The following HEPH variants were observed in gnomAD, a reference collection of about 807,000 sequenced individuals.
HEPH encodes hephaestin.
Under a neutral mutation model 80.8 loss-of-function variants are expected in HEPH, and 69 were observed. The observed-to-expected ratio is 0.85, with a 90% CI of 0.70 to 1.04. HEPH has a LOEUF of 1.04. Among genes scored for constraint, HEPH ranks in the 50% least tolerant of loss-of-function variants. The pLI, the probability that HEPH is intolerant of heterozygous loss-of-function variation, is 0.00. For missense variants in HEPH, 1,115 were observed against 891.3 expected (o/e 1.25, Z -3.20); for synonymous variants, 431 against 322.8 (o/e 1.34, Z -3.60).
chrX:66,189,771 A>G lies in HEPH; in HGVS notation c.896A>G (p.Asn299Ser). 1 of 1,211,264 alleles carries G rather than the reference A, an allele frequency of 8.3e-7. No homozygotes were observed. The highest frequency in any genetic ancestry group is 1.1e-6 in the Non-Finnish European group (1 of 895,366). ...RVAWHLFGMGNEIDVHTAFFH... is the reference protein window; with the variant it reads ...RVAWHLFGMGSEIDVHTAFFH... Reference sequence around the variant, plus strand: ...GCCTGGCACTTGTTTGGCATGGGCAATGAAATTGATGTCCACACAGCATTT... The same window carrying G: ...GCCTGGCACTTGTTTGGCATGGGCAGTGAAATTGATGTCCACACAGCATTT... The change falls in exon 6 of 21, where the codon AAT becomes AGT. Residue 299 changes from asparagine (N) to serine (S), a missense_variant. Physicochemically the swap from Asn to Ser is conservative, Grantham distance 46 (BLOSUM62 1). This residue lies in a region of HEPH where 391 missense variants were observed against 343.6 expected (regional missense o/e 1.14). Coordinates refer to ENST00000343002, the MANE Select transcript of HEPH (RefSeq NM_001367233.3).
intron 4 of HEPH, among the ~76,000 whole-genome samples, chrX:66,186,394 A>G (rs1287051736): frequency 9.0e-6 from 1 of 111,246 alleles, no homozygotes; most frequent in Non-Finnish European, 1.9e-5. Flanking sequence ...GTTGTGGGAT[A>G]TAGTCTCGTG....
In HEPH at chrX:66,189,655, T is replaced by G. The variant is rs776806360; in HGVS notation, c.809-29T>G. The G allele has an allele frequency of 1.0e-5, 12 of 1,196,735 alleles. No homozygotes were observed. The African/African-American group carries it at 2.1e-4, about 21-fold the overall frequency. ...CCATTTGGCTGTCCTTTCCTAATCC[T>G]GATATTTTCTTTGGGTTTTCTTTTG... On this transcript the variant is annotated intron_variant, in intron 5 of 20. Transcript: ENST00000343002.
intron 15 of HEPH, among the ~76,000 whole-genome samples, chrX:66,251,781 G>A (rs1445154749): frequency 1.8e-5 from 2 of 111,727 alleles, no homozygotes; most frequent in Non-Finnish European, 3.8e-5. Flanking sequence ...AGAAGACAGT[G>A]TGGCTGTAGC....
Position 66,216,958 on chromosome X carries a change from T to G in HEPH, c.2563+8712T>G, listed in dbSNP as rs958378067. Among the ~76,000 whole-genome samples, 3 of 111,525 alleles carry G rather than the reference T, an allele frequency of 2.7e-5. No individual in the cohort carries two copies. The East Asian group carries it at 8.5e-4, about 31-fold the overall frequency. The stretch of plus-strand genomic sequence containing the variant: ...TAGCTTCAGAATTCAAAGACAAGGC[T>G]TTTAAATTAACTCAATCCAACAAAG... On this transcript the variant is annotated intron_variant, in intron 15 of 20. Coordinates refer to ENST00000343002, the MANE Select transcript of HEPH (RefSeq NM_001367233.3).
At chrX:66,248,045 A>G (rs990565683) in intron 15 of HEPH, among the ~76,000 whole-genome samples, 4 of 110,567 alleles carry the variant, frequency 3.6e-5, no homozygotes, top group East Asian at 2.8e-4. Context: ...ATTAATTCCT[A>G]TCATTCATAC....
intron 15 of HEPH, among the ~76,000 whole-genome samples, chrX:66,238,943 G>T (rs778323447): frequency 8.9e-6 from 1 of 112,654 alleles, no homozygotes; most frequent in African/African-American, 3.2e-5. Flanking sequence ...TGTTCTTTAG[G>T]CACAGATCGC....
At chrX:66,231,527 T>G (rs1161870688) in intron 15 of HEPH, among the ~76,000 whole-genome samples, 35 of 109,820 alleles carry the variant, frequency 3.2e-4, no homozygotes, top group Non-Finnish European at 5.7e-4. Flanking sequence ...GTATTTTATT[T>G]TCTTTGAAGC....
chrX:66,199,344 A>G (rs1278175970), intron 11 of HEPH, among the ~76,000 whole-genome samples: 1 of 101,388 alleles, frequency 9.9e-6, no homozygotes, highest in Non-Finnish European at 2.0e-5. Context: ...TCTTCCTTAT[A>G]TTTTAGTACC....
At chrX:66,207,667 T>C (rs1282890155) in intron 14 of HEPH, among the ~76,000 whole-genome samples, 1 of 111,689 alleles carries the variant, frequency 9.0e-6, no homozygotes, top group African/African-American at 3.3e-5. Flanking sequence ...ATCAGTTTTT[T>C]CATTGTACCG....
chrX:66,267,061 T>C lies in HEPH; in HGVS notation c.*389T>C, dbSNP rs911170437. 2.2e-5 allele frequency: 3 copies of C among 139,000 alleles called. No individual in the cohort carries two copies. Among genetic ancestry groups the C allele is most frequent in the Admixed American group, 7.6e-5 (1 of 13,115 alleles). 11.5% of individuals were successfully genotyped at this position (139,000 alleles called of 1,213,427 possible). On this transcript the variant is annotated 3_prime_UTR_variant, in exon 21 of 21. Transcript: ENST00000343002. ...CTACTTCTTTCAAGGACTCAGGAAA[T>C]TTCACTTTGAACTGAGGCCAAGTGA...
chrX:66,203,447 C>T lies in HEPH; in HGVS notation c.2161C>T (p.His721Tyr), dbSNP rs774140384. ...CTATAATGTCTCCCAGTGTCCTGGC[C>T]ACCAAGCCACCCCTCGCCAACGCTA... ...AIYNVSQCPG[H>Y]QATPRQRYQA... Residue 721 changes from histidine (H) to tyrosine (Y), a missense_variant, in exon 13 of 21, where the codon CAC becomes TAC. Around this residue, in one of 3 missense-constraint regions of HEPH, gnomAD observed 716 missense variants for 523.5 expected, o/e 1.37. Transcript: ENST00000343002. 1.1e-5 allele frequency: 13 copies of T among 1,210,516 alleles called. No homozygotes were observed. The highest frequency in any genetic ancestry group is 1.5e-5 in the Non-Finnish European group (13 of 894,982).
At chrX:66,172,676 A>G (rs1322276439) in intron 3 of HEPH, 77 bp downstream of exon 3, 3 of 1,001,448 alleles carry the variant, frequency 3.0e-6, no homozygotes, top group Non-Finnish European at 4.0e-6. Flanking sequence ...AAGGAGAAGA[A>G]CTGGTAGTGA....
intron 4 of HEPH, 27 bp from the exon 5 acceptor site, chrX:66,188,332 C>G: frequency 8.8e-7 from 1 of 1,132,161 alleles, no homozygotes; most frequent in East Asian, 3.2e-5. Flanking sequence ...AGGATCTTCT[C>G]AAGGGAAACT....
At chrX:66,179,283 C>A (rs1451135360) in intron 4 of HEPH, among the ~76,000 whole-genome samples, 3 of 111,436 alleles carry the variant, frequency 2.7e-5, no homozygotes, top group Non-Finnish European at 5.7e-5. Context: ...TCTGAGGGCT[C>A]TGTTGTTTTT....
intron 15 of HEPH, among the ~76,000 whole-genome samples, chrX:66,229,523 G>A (rs1459580946): frequency 1.8e-5 from 2 of 111,487 alleles, no homozygotes; most frequent in African/African-American, 6.5e-5. Flanking sequence ...GGTGATGGGT[G>A]CACAAAAGTA....
intron 15 of HEPH, among the ~76,000 whole-genome samples, chrX:66,212,858 G>T (rs1007061847): frequency 1.0e-4 from 11 of 109,981 alleles, no homozygotes; most frequent in Non-Finnish European, 2.1e-4. Context: ...AAAAAGTTTT[G>T]TGAAGAATGA....
intron 4 of HEPH, among the ~76,000 whole-genome samples, chrX:66,177,141 T>G (rs764629643): frequency 8.9e-6 from 1 of 111,750 alleles, no homozygotes; most frequent in African/African-American, 3.2e-5. Context: ...AACAACCCCA[T>G]CAAAAAGTGG....
At position 66,195,175 on chromosome X, in the gene HEPH, C is replaced by A; in HGVS notation, c.1447C>A (p.Gln483Lys). The change falls in exon 9 of 21, where the codon CAG becomes AAG. Residue 483 changes from glutamine (Q) to lysine (K), a missense_variant. Transcript: ENST00000343002. Reference sequence around the variant, plus strand: ...CCGTGCCTCCCAGCCATTCAGCATGCAGCCCCATGGGGTCTTTTATGAGAA... The same window carrying A: ...CCGTGCCTCCCAGCCATTCAGCATGAAGCCCCATGGGGTCTTTTATGAGAA... ...YNRASQPFSM[Q>K]PHGVFYEKDY... 8.3e-7 allele frequency: 1 copy of A among 1,203,759 alleles called. No individual in the cohort carries two copies. The highest frequency in any genetic ancestry group is 1.1e-6 in the Non-Finnish European group (1 of 891,339).
intron 1 of HEPH, among the ~76,000 whole-genome samples, chrX:66,167,181 G>A (rs1156563225): frequency 8.9e-6 from 1 of 112,176 alleles, no homozygotes; most frequent in African/African-American, 3.2e-5. Flanking sequence ...TGATACCAAA[G>A]CCTGTGCCCT....
Sources: allele counts gnomAD v4.1 joint callset (sites outside exome capture counted in the v4.1 genomes callset), GRCh38; gene constraint gnomAD v4.1.1; regional missense constraint gnomAD v4.1.1; transcripts MANE v1.5; gene names NCBI Gene and HGNC (gene_info 2026-07-23, HGNC 2026-07-21).